The following COX7B2 variants were observed in gnomAD, a reference collection of about 807,000 sequenced individuals.
COX7B2 encodes the protein cytochrome c oxidase subunit 7B2.
For missense variants in COX7B2, 109 were observed against 95.9 expected (o/e 1.14, Z -0.57); for synonymous variants, 37 against 32.1 (o/e 1.15, Z -0.51).
intron 2 of COX7B2, among the ~76,000 whole-genome samples, chr4:46,768,094 C>T (rs1716653679): frequency 6.6e-6 from 1 of 152,228 alleles, no homozygotes; most frequent in Non-Finnish European, 1.5e-5. Flanking sequence ...CATTGCTGTC[C>T]ACGGATTGCG....
chr4:46,861,698 G>T (rs539099355), intron 1 of COX7B2, among the ~76,000 whole-genome samples: 1 of 152,264 alleles, frequency 6.6e-6, no homozygotes, highest in African/African-American at 2.4e-5. Flanking sequence ...AGGCCTTTAT[G>T]GTCCTTTACC....
chr4:46,777,021 T>C (rs919038247), intron 2 of COX7B2, among the ~76,000 whole-genome samples: 1 of 152,178 alleles, frequency 6.6e-6, no homozygotes, highest in African/African-American at 2.4e-5. Context: ...GGATGCATAC[T>C]GAATATAAAT....
intron 2 of COX7B2, among the ~76,000 whole-genome samples, chr4:46,744,738 A>ATTTTTTTT (rs773481406): frequency 1.6e-5 from 2 of 124,666 alleles, no homozygotes; most frequent in Admixed American, 9.6e-5. Context: ...AGATATTTTA[A>ATTTTTTTT]TTTTTTTTTT....
intron 1 of COX7B2, among the ~76,000 whole-genome samples, chr4:46,884,801 T>A (rs954731581): frequency 6.6e-6 from 1 of 152,218 alleles, no homozygotes; most frequent in Non-Finnish European, 1.5e-5. Flanking sequence ...TCTCCTTCTG[T>A]CAAATTACTT....
At chr4:46,878,824 T>G (rs1718517881) in intron 1 of COX7B2, among the ~76,000 whole-genome samples, 1 of 152,170 alleles carries the variant, frequency 6.6e-6, no homozygotes, top group African/African-American at 2.4e-5. Context: ...AGGGCATGAC[T>G]CAGAGGCTTC....
intron 1 of COX7B2, among the ~76,000 whole-genome samples, chr4:46,853,408 C>T (rs545585248): frequency 2.0e-5 from 3 of 152,184 alleles, no homozygotes; most frequent in Admixed American, 2.0e-4. Context: ...TAAAATTTGT[C>T]TACTTATTTG....
intron 1 of COX7B2, among the ~76,000 whole-genome samples, chr4:46,892,977 G>T (rs1719530098): frequency 6.6e-6 from 1 of 152,088 alleles, no homozygotes; most frequent in African/African-American, 2.4e-5. Context: ...TCCCTCTCCT[G>T]CTGCCCTGTG....
At chr4:46,869,306 GTCTT>G (rs1257398130) in intron 1 of COX7B2, among the ~76,000 whole-genome samples, 2 of 152,098 alleles carry the variant, frequency 1.3e-5, no homozygotes, top group Non-Finnish European at 2.9e-5. Flanking sequence ...ATACCACTGA[GTCTT>G]TCTTTTTTAT....
chr4:46,898,700 C>A (rs550742048), intron 1 of COX7B2, among the ~76,000 whole-genome samples: 2 of 152,288 alleles, frequency 1.3e-5, no homozygotes, highest in South Asian at 4.1e-4. Flanking sequence ...GCTGGGATTA[C>A]AAGCGTGAGC....
intron 2 of COX7B2, among the ~76,000 whole-genome samples, chr4:46,841,809 G>A (rs1277037870): frequency 6.6e-6 from 1 of 151,972 alleles, no homozygotes; most frequent in African/African-American, 2.4e-5. Flanking sequence ...AATGAAATGA[G>A]AAACTTATTA....
chr4:46,844,222 T>G (rs1161540493), intron 2 of COX7B2, among the ~76,000 whole-genome samples: 1 of 152,012 alleles, frequency 6.6e-6, no homozygotes. Context: ...CTGTAAAATT[T>G]TATCGCAATA....
chr4:46,899,187 T>C (rs572132375), intron 1 of COX7B2, among the ~76,000 whole-genome samples: 1 of 152,326 alleles, frequency 6.6e-6, no homozygotes, highest in South Asian at 2.1e-4. Flanking sequence ...CTCTCCTTTT[T>C]CAACTACTAT....
intron 2 of COX7B2, among the ~76,000 whole-genome samples, chr4:46,799,062 T>G (rs1718515136): frequency 6.6e-6 from 1 of 152,168 alleles, no homozygotes; most frequent in African/African-American, 2.4e-5. Context: ...TCATACAAAC[T>G]TCACCTTCAG....
At chr4:46,825,048 G>A (rs1714589731) in intron 2 of COX7B2, among the ~76,000 whole-genome samples, 1 of 151,548 alleles carries the variant, frequency 6.6e-6, no homozygotes, top group African/African-American at 2.4e-5. Context: ...AATCAGGCAA[G>A]AGAAAAAAAA....
chr4:46,750,246 T>C (rs1715285881), intron 2 of COX7B2, among the ~76,000 whole-genome samples: 1 of 54,466 alleles, frequency 1.8e-5, no homozygotes, highest in Non-Finnish European at 4.4e-5. Flanking sequence ...ACACACACAT[T>C]ATCCAGGTGT....
chr4:46,747,615 A>G (rs1451384518), intron 2 of COX7B2, among the ~76,000 whole-genome samples: 2 of 152,134 alleles, frequency 1.3e-5, no homozygotes, highest in East Asian at 1.9e-4. Flanking sequence ...GCTCCCACTT[A>G]TAAGTGGACT....
chr4:46,897,299 A>G (rs781202661), intron 1 of COX7B2, among the ~76,000 whole-genome samples: 9 of 152,160 alleles, frequency 5.9e-5, no homozygotes, highest in Non-Finnish European at 1.0e-4. Flanking sequence ...GGTCTTAAGA[A>G]AGAAAATGAA....
At chr4:46,743,513 C>T (rs769663555) in intron 2 of COX7B2, among the ~76,000 whole-genome samples, 3 of 152,108 alleles carry the variant, frequency 2.0e-5, no homozygotes, top group Non-Finnish European at 4.4e-5. Context: ...GACAGTGATT[C>T]CAATTGAAAA....
chr4:46,775,251 A>G (rs924193327), intron 2 of COX7B2, among the ~76,000 whole-genome samples: 2 of 152,154 alleles, frequency 1.3e-5, no homozygotes, highest in African/African-American at 4.8e-5. Context: ...AGCATATATT[A>G]TAAGGCAGTA....
Sources: gnomAD v4.1 joint callset for allele counts (sites outside exome capture counted in the v4.1 genomes callset) on GRCh38, gnomAD v4.1.1 for gene constraint, MANE v1.5 for transcripts, NCBI Gene and HGNC (gene_info 2026-07-23, HGNC 2026-07-21) for gene names.